The following LEPROTL1 variants were observed in gnomAD, a reference collection of about 807,000 sequenced individuals.
LEPROTL1 encodes leptin receptor overlapping transcript like 1, also known as leptin receptor overlapping transcript-like 1.
In LEPROTL1, 6 loss-of-function variants were observed where a neutral mutation model predicts 15.4. That is an observed-to-expected ratio of 0.39 (90% CI 0.21 to 0.77). The LOEUF is 0.77. Among genes scored for constraint, LEPROTL1 ranks in the 30% least tolerant of loss-of-function variants. The pLI is 0.41. For missense variants in LEPROTL1, 128 were observed against 158.1 expected, an observed-to-expected ratio of 0.81 and a Z score of 1.02; for synonymous variants, 56 against 52.6, an observed-to-expected ratio of 1.06 and a Z score of -0.28.
intron 4 of LEPROTL1, among the ~76,000 whole-genome samples, chr8:30,135,536 T>C (rs1174371381): frequency 2.0e-5 from 3 of 152,130 alleles, no homozygotes; most frequent in Non-Finnish European, 4.4e-5. Flanking sequence ...CAATTTGAAA[T>C]ATGGCCTTAA....
chr8:30,132,274 G>A (rs1035511932), intron 3 of LEPROTL1: 1 of 1,551,636 alleles, frequency 6.4e-7, no homozygotes, highest in African/African-American at 1.4e-5. Context: ...CTGCAACAAC[G>A]GCCAAGCCCT....
At position 30,106,091 on chromosome 8, in the gene LEPROTL1, AG is replaced by A; in HGVS notation, c.*230del. Reference sequence around the variant, plus strand: ...CTTGACTGATTTCACACTTATCTATAGTATGCTTTTTGTGGTGTCCTGCTGA... The same window carrying A: ...CTTGACTGATTTCACACTTATCTATATATGCTTTTTGTGGTGTCCTGCTGA... On this transcript the variant is annotated 3_prime_UTR_variant, in exon 4 of 4. Coordinates refer to ENST00000321250, the MANE Select transcript of LEPROTL1 (RefSeq NM_015344.3). The A allele has an allele frequency of 9.4e-7, 1 of 1,058,928 alleles. No individual in the cohort carries two copies. Among genetic ancestry groups the A allele is most frequent in the Non-Finnish European group, 1.1e-6 (1 of 876,392 alleles). 65.6% of individuals were successfully genotyped at this position (1,058,928 alleles called of 1,614,324 possible).
intron 3 of LEPROTL1, among the ~76,000 whole-genome samples, chr8:30,118,028 T>G (rs1286749184): frequency 2.0e-4 from 28 of 143,492 alleles, no homozygotes; most frequent in Admixed American, 8.3e-4. Context: ...TGTTTTTTTT[T>G]TTTTTTTTTT....
intron 3 of LEPROTL1, among the ~76,000 whole-genome samples, chr8:30,125,099 A>G (rs1385652872): frequency 1.3e-5 from 2 of 152,162 alleles, no homozygotes; most frequent in Non-Finnish European, 2.9e-5. Context: ...CAAGGAAAAC[A>G]TACGTACATA....
intron 3 of LEPROTL1, among the ~76,000 whole-genome samples, chr8:30,116,035 G>A (rs1037257554): frequency 5.9e-5 from 9 of 152,132 alleles, no homozygotes; most frequent in African/African-American, 1.9e-4. Flanking sequence ...GAGCCCAGGA[G>A]TTTGAGACCA....
intron 3 of LEPROTL1, 64 bp from the exon 4 acceptor site, chr8:30,105,682 A>ATT (rs397960486): frequency 3.1e-4 from 380 of 1,214,118 alleles, no homozygotes; most frequent in East Asian, 5.1e-4. Context: ...TAGAGCCTTG[A>ATT]TTTTTTTTTT....
At chr8:30,098,518 C>A (rs897652260) in intron 1 of LEPROTL1, among the ~76,000 whole-genome samples, 1 of 152,058 alleles carries the variant, frequency 6.6e-6, no homozygotes, top group Non-Finnish European at 1.5e-5. Context: ...TTCTAAGTTG[C>A]GTATAAATGG....
chr8:30,104,592 A>C, intron 3 of LEPROTL1, 106 bp downstream of exon 3: 1 of 601,498 alleles, frequency 1.7e-6, no homozygotes, highest in Non-Finnish European at 2.7e-6. Flanking sequence ...AAGACATAAG[A>C]GCCTAGAAGA....
At chr8:30,113,289 A>C (rs1315647827), downstream of LEPROTL1, among the ~76,000 whole-genome samples, 1 of 152,112 alleles carries the variant, frequency 6.6e-6, no homozygotes, top group Non-Finnish European at 1.5e-5. Flanking sequence ...CAAAACAAAC[A>C]AAGAACAGAG....
At chr8:30,117,737 T>C (rs1802763760) in intron 3 of LEPROTL1, 2 of 1,040,908 alleles carry the variant, frequency 1.9e-6, no homozygotes, top group South Asian at 2.5e-5. Flanking sequence ...TCGGCATTGT[T>C]GATGCTCTTG....
intron 1 of LEPROTL1, among the ~76,000 whole-genome samples, chr8:30,098,108 T>G (rs1237314058): frequency 2.0e-5 from 3 of 152,170 alleles, no homozygotes; most frequent in South Asian, 2.1e-4. Flanking sequence ...TAAATTTTTT[T>G]TGTTGTTTCC....
chr8:30,137,300 TG>T lies in LEPROTL1; in HGVS notation c.426del (p.Asn143ThrfsTer66). 6.4e-7 allele frequency: 1 copy of T among 1,551,648 alleles called. No homozygotes were observed. The highest frequency in any genetic ancestry group is 8.7e-7 in the Non-Finnish European group (1 of 1,146,934). On this transcript the variant is annotated frameshift_variant, in exon 5 of 5. Transcript: ENST00000442880. LOFTEE classifies it high-confidence loss of function. ...GGGCGCCTACCCTTCTTCAGCAAGA[TG>T]GGAACAGCTGAGTCTGAAGGAAGAG...
intron 1 of LEPROTL1, among the ~76,000 whole-genome samples, chr8:30,097,481 T>C (rs1736918531): frequency 6.6e-6 from 1 of 151,520 alleles, no homozygotes; most frequent in Non-Finnish European, 1.5e-5. Flanking sequence ...GACCAACCTG[T>C]CCAAGATGGT....
intron 3 of LEPROTL1, among the ~76,000 whole-genome samples, chr8:30,120,063 CAATAAATAAATAAATAAATA>C (rs201416312): frequency 2.0e-5 from 2 of 100,430 alleles, no homozygotes; most frequent in African/African-American, 2.9e-5. Flanking sequence ...GAGACTCCAT[CAATAAATAAATAAATAAATA>C]AATAAATAAA....
At chr8:30,105,590 ATATATT>A in intron 3 of LEPROTL1, among the ~76,000 whole-genome samples, 150 bp from the exon 4 acceptor site, 1 of 148,306 alleles carries the variant, frequency 6.7e-6, no homozygotes, top group Non-Finnish European at 1.5e-5. Flanking sequence ...TTTATACTAT[ATATATT>A]TATAAGTATG....
At chr8:30,137,591 A>G in exon 5 of LEPROTL1, 2 of 995,618 alleles carry the variant, frequency 2.0e-6, no homozygotes, top group Non-Finnish European at 3.0e-6. Flanking sequence ...ATTCATTCTA[A>G]TGAAACTGCC....
chr8:30,129,931 G>T (rs1340585550), intron 3 of LEPROTL1, among the ~76,000 whole-genome samples: 1 of 152,082 alleles, frequency 6.6e-6, no homozygotes, highest in Non-Finnish European at 1.5e-5. Context: ...AAGAGAAAGA[G>T]CGGGAAGGCG....
chr8:30,129,559 G>T (rs1802960739), intron 3 of LEPROTL1, among the ~76,000 whole-genome samples: 1 of 152,018 alleles, frequency 6.6e-6, no homozygotes, highest in Non-Finnish European at 1.5e-5. Flanking sequence ...ACAAAAATTA[G>T]CTGGGTGTGG....
In LEPROTL1 at chr8:30,107,010, C is replaced by T. The variant is rs921817850; in HGVS notation, c.*1148C>T. 3 of 982,680 alleles carry T rather than the reference C, an allele frequency of 3.1e-6. No individual in the cohort carries two copies. Among genetic ancestry groups the T allele is most frequent in the African/African-American group, 3.5e-5 (2 of 57,156 alleles). The allele number at this position is 982,680 out of a possible 1,614,324, so 60.9% of individuals were successfully genotyped here. A position where few individuals can be genotyped will look rare whatever the true frequency, so the allele number is the denominator to read the frequency against. ...TAACTTGTTAGTCTTACAGATAATT[C>T]ATGCATTAACAGTTTAAGATTTAGA... On this transcript the variant is annotated 3_prime_UTR_variant, in exon 4 of 4. Coordinates refer to ENST00000321250, the MANE Select transcript of LEPROTL1 (RefSeq NM_015344.3).
Sources: gnomAD v4.1 joint callset for allele counts (sites outside exome capture counted in the v4.1 genomes callset) on GRCh38, gnomAD v4.1.1 for gene constraint, MANE v1.5 for transcripts, NCBI Gene and HGNC (gene_info 2026-07-23, HGNC 2026-07-21) for gene names.